Variants in SASH1 observed in about 807,000 individuals in gnomAD.
The protein encoded by SASH1 is SAM and SH3 domain containing 1.
Under a neutral mutation model 125.2 loss-of-function variants are expected in SASH1, and 44 were observed. The observed-to-expected ratio is 0.35, with a 90% CI of 0.28 to 0.45. SASH1 has a LOEUF of 0.45. SASH1 is among the 20% of genes least tolerant of loss of function. The pLI is 1.00. For synonymous variants in SASH1, 639 were observed against 649.1 expected, an observed-to-expected ratio of 0.98 and a Z score of 0.24; for missense variants, 1,426 against 1,614.5, an observed-to-expected ratio of 0.88 and a Z score of 2.00.
the SASH1 span, among the ~76,000 whole-genome samples, chr6:148,219,077 G>C: frequency 1.3e-5 from 2 of 152,154 alleles, no homozygotes; most frequent in Non-Finnish European, 2.9e-5. Context: ...TTGGTTATAG[G>C]AACAGTGTTC....
chr6:148,484,859 C>T (rs944765260), intron 7 of SASH1, among the ~76,000 whole-genome samples: 9 of 152,100 alleles, frequency 5.9e-5, no homozygotes, highest in Non-Finnish European at 1.2e-4. Context: ...GGGAGGATTG[C>T]TTGAATCAGG....
At chr6:148,264,654 T>A in the SASH1 span, among the ~76,000 whole-genome samples, 1 of 152,202 alleles carries the variant, frequency 6.6e-6, no homozygotes, top group African/African-American at 2.4e-5. Context: ...CTCAGCTACA[T>A]CAACCTTTTT....
At chr6:148,259,881 CTATT>C in the SASH1 span, among the ~76,000 whole-genome samples, 1 of 151,876 alleles carries the variant, frequency 6.6e-6, no homozygotes, top group African/African-American at 2.4e-5. Flanking sequence ...GACTTTTTAT[CTATT>C]TATTTATTTA....
chr6:148,538,569 A>C (rs996399365), intron 16 of SASH1, among the ~76,000 whole-genome samples: 1 of 152,098 alleles, frequency 6.6e-6, no homozygotes, highest in Admixed American at 6.6e-5. Flanking sequence ...AGTCACTTTA[A>C]AAGTAGCACT....
chr6:148,289,097 C>T (rs532611613), intron 1 of SASH1, among the ~76,000 whole-genome samples: 72 of 152,238 alleles, frequency 4.7e-4, no homozygotes, highest in African/African-American at 1.5e-3. Context: ...TCTCCTGCCT[C>T]AGCCTCCCGA....
chr6:148,542,651 T>C (rs1562500105), intron 17 of SASH1, among the ~76,000 whole-genome samples: 1 of 152,148 alleles, frequency 6.6e-6, no homozygotes, highest in East Asian at 1.9e-4. Flanking sequence ...CCTCCTTAAG[T>C]TGTGATGATT....
intron 8 of SASH1, among the ~76,000 whole-genome samples, chr6:148,498,932 A>C (rs946559687): frequency 6.6e-6 from 1 of 152,204 alleles, no homozygotes; most frequent in Non-Finnish European, 1.5e-5. Context: ...ATTCGTAAGT[A>C]GAATTTAGAC....
intron 1 of SASH1, among the ~76,000 whole-genome samples, chr6:148,307,028 CTTTCTTT>C (rs1780147241): frequency 1.1e-4 from 2 of 18,182 alleles, no homozygotes; most frequent in Admixed American, 5.5e-4. Context: ...TCTTTCTTTT[CTTTCTTT>C]CTTTCTTTCT....
chr6:148,449,457 G>T (rs928784340), intron 4 of SASH1, among the ~76,000 whole-genome samples: 2 of 150,118 alleles, frequency 1.3e-5, no homozygotes, highest in Non-Finnish European at 3.0e-5. Flanking sequence ...GTGCAATCTC[G>T]GCTCACTGCA....
chr6:148,215,840 TTTTTATTTATTTA>T, the SASH1 span, among the ~76,000 whole-genome samples: 4 of 152,028 alleles, frequency 2.6e-5, no homozygotes, highest in South Asian at 2.1e-4. Context: ...AATATCTACT[TTTTTATTTATTTA>T]TTTTATTTAT....
intron 2 of SASH1, among the ~76,000 whole-genome samples, chr6:148,439,047 A>C (rs1776435775): frequency 6.6e-6 from 1 of 152,240 alleles, no homozygotes; most frequent in African/African-American, 2.4e-5. Flanking sequence ...AATTGTGTTA[A>C]TGATGAAAAG....
upstream of SASH1, among the ~76,000 whole-genome samples, chr6:148,269,618 G>A (rs142895267): frequency 3.3e-3 from 504 of 152,196 alleles, 4 homozygotes; most frequent in Middle Eastern, 0.051. Context: ...TTGTCAGATT[G>A]CATGTTTGAT....
chr6:148,313,740 G>A (rs1780400125), intron 1 of SASH1, among the ~76,000 whole-genome samples: 2 of 152,154 alleles, frequency 1.3e-5, no homozygotes. Flanking sequence ...TGCATGCCGG[G>A]TGTAGGGTGG....
chr6:148,336,671 G>C (rs1387696343), intron 1 of SASH1, among the ~76,000 whole-genome samples: 4 of 152,200 alleles, frequency 2.6e-5, no homozygotes, highest in Non-Finnish European at 5.9e-5. Context: ...GCAAACATTT[G>C]ATTGGATATA....
chr6:148,322,909 TC>T lies in SASH1; in HGVS notation n.74+50533del, dbSNP rs1384985567. On this transcript the variant is annotated intron_variant and non_coding_transcript_variant, in intron 1 of 3. Transcript: ENST00000367469. Reference sequence around the variant, plus strand: ...TTTTTCTTCTTTCTTTCTCTCTCTTTCTTTCTTTTTTCTTTCTCTCTTTCTT... The same window carrying T: ...TTTTTCTTCTTTCTTTCTCTCTCTTTTTTCTTTTTTCTTTCTCTCTTTCTT... Among the ~76,000 whole-genome samples, 56 of 115,258 alleles carry T rather than the reference TC, an allele frequency of 4.9e-4. 3 individuals carry two copies. Among genetic ancestry groups the T allele is most frequent in the Admixed American group, 1.4e-3 (15 of 10,964 alleles). The allele number at this position is 115,258 out of a possible 152,430, so 75.6% of individuals were successfully genotyped here.
intron 2 of SASH1, among the ~76,000 whole-genome samples, chr6:148,405,244 A>C (rs1318246260): frequency 6.6e-6 from 1 of 151,840 alleles, no homozygotes; most frequent in Non-Finnish European, 1.5e-5. Context: ...CTCTGTGTGC[A>C]TGTATGTATG....
chr6:148,393,829 C>A, intron 2 of SASH1: 1 of 550,758 alleles, frequency 1.8e-6, no homozygotes. Context: ...ACTGTTCATT[C>A]TTTAAATTGT....
At chr6:148,224,812 G>A in the SASH1 span, among the ~76,000 whole-genome samples, 1 of 152,142 alleles carries the variant, frequency 6.6e-6, no homozygotes, top group South Asian at 2.1e-4. Context: ...TTGCGTAAAT[G>A]TTTTCTAAGC....
the SASH1 span, among the ~76,000 whole-genome samples, chr6:148,211,741 C>A: frequency 2.0e-5 from 3 of 152,316 alleles, no homozygotes; most frequent in Middle Eastern, 3.4e-3. Flanking sequence ...TCTCATCATG[C>A]TCTTTCCACT....
Sources: gnomAD v4.1 joint callset for allele counts (sites outside exome capture counted in the v4.1 genomes callset) on GRCh38, gnomAD v4.1.1 for gene constraint, MANE v1.5 for transcripts, NCBI Gene and HGNC (gene_info 2026-07-23, HGNC 2026-07-21) for gene names.